Variants in LRPAP1 observed in about 807,000 individuals in gnomAD.
LRPAP1 encodes the protein alpha-2-macroglobulin receptor-associated protein.
LRPAP1 carries 41 observed loss-of-function variants against 39.9 expected under a neutral mutation model. That is an observed-to-expected ratio of 1.03 (90% confidence interval 0.80 to 1.33). The LOEUF (loss-of-function observed/expected upper bound fraction) is 1.33. Among genes scored for constraint, LRPAP1 ranks in the 40% most tolerant of loss-of-function variants. The pLI, the probability that LRPAP1 is intolerant of heterozygous loss-of-function variation, is 0.00. For missense variants in LRPAP1, 565 were observed against 482.3 expected, an observed-to-expected ratio of 1.17 and a Z score of -1.61; for synonymous variants, 263 against 212.7, an observed-to-expected ratio of 1.24 and a Z score of -2.06.
chr4:3,524,994 T>G lies in LRPAP1; in HGVS notation c.262A>C (p.Arg88=). The G allele has an allele frequency of 6.2e-7, 1 of 1,614,084 alleles. No homozygotes were observed. The highest frequency in any genetic ancestry group is 8.5e-7 in the Non-Finnish European group (1 of 1,180,028). The change falls in exon 2 of 8, where the codon AGG becomes CGG. Residue 88 remains arginine, a synonymous_variant. Transcript: ENST00000650182. ...ELHADLKIQE[R]DELAWKKLKL... ...AGTTTCTTCCAGGCGAGTTCGTCCC[T>G]CTCCTGTATCTTCAGATCAGCGTGG...
At chr4:3,521,686 G>A (rs564898082) in intron 2 of LRPAP1, among the ~76,000 whole-genome samples, 3 of 152,324 alleles carry the variant, frequency 2.0e-5, no homozygotes, top group African/African-American at 4.8e-5. Flanking sequence ...CTTCCTAAGC[G>A]TGAAAAACCA....
At chr4:3,529,547 A>G (rs1730184282) in intron 1 of LRPAP1, among the ~76,000 whole-genome samples, 1 of 152,160 alleles carries the variant, frequency 6.6e-6, no homozygotes, top group South Asian at 2.1e-4. Flanking sequence ...AGGGCTCTGC[A>G]TGGCCTCTGA....
chr4:3,522,700 C>G (rs1205087153), intron 2 of LRPAP1, among the ~76,000 whole-genome samples: 5 of 142,974 alleles, frequency 3.5e-5, no homozygotes, highest in Admixed American at 7.0e-5. Flanking sequence ...GGACAGACGC[C>G]GCCCCACACC....
intron 7 of LRPAP1, 42 bp from the exon 8 acceptor site, chr4:3,513,078 C>G (rs754148093): frequency 4.0e-6 from 6 of 1,510,970 alleles, no homozygotes; most frequent in Non-Finnish European, 5.5e-6. Context: ...CAGCGCGCCT[C>G]GAGGCCAGCT....
chr4:3,517,906 C>T (rs867865297), intron 5 of LRPAP1, 128 bp downstream of exon 5: 10 of 1,210,616 alleles, frequency 8.3e-6, no homozygotes, highest in Admixed American at 2.6e-5. Context: ...AGACTGAGCG[C>T]GCCGAGGGTC....
chr4:3,519,437 C>T (rs1489201489), intron 3 of LRPAP1, among the ~76,000 whole-genome samples: 1 of 152,252 alleles, frequency 6.6e-6, no homozygotes, highest in East Asian at 1.9e-4. Context: ...ACAGGGCCCT[C>T]TCTCCCTCTC....
chr4:3,520,739 C>T (rs911088719), intron 2 of LRPAP1, among the ~76,000 whole-genome samples: 8 of 152,238 alleles, frequency 5.3e-5, no homozygotes, highest in Admixed American at 2.0e-4. Flanking sequence ...AAAGGAGAAA[C>T]GTCAGTGTCA....
chr4:3,514,463 C>T lies in LRPAP1; in HGVS notation c.1011+289G>A, dbSNP rs771845274. On this transcript the variant is annotated intron_variant, in intron 7 of 7. Transcript: ENST00000650182. ...GACTCATGGGCTGGCTGTGGGTATC[C>T]AGGTCACGCCCCATCCTGGTCACAG... is the stretch of plus-strand genomic sequence containing the variant. Among the ~76,000 whole-genome samples the T allele has an allele frequency of 3.9e-5, 6 of 152,210 alleles. No homozygotes were observed. In the South Asian group the frequency reaches 6.2e-4, roughly 16 times the overall value.
intron 4 of LRPAP1, among the ~76,000 whole-genome samples, chr4:3,518,660 G>A (rs1471195298): frequency 6.6e-6 from 1 of 152,032 alleles, no homozygotes; most frequent in Non-Finnish European, 1.5e-5. Flanking sequence ...AATGCAGGCA[G>A]GCGACTCCCA....
intron 7 of LRPAP1, among the ~76,000 whole-genome samples, chr4:3,514,472 C>G (rs1729629294): frequency 6.6e-6 from 1 of 152,212 alleles, no homozygotes; most frequent in African/African-American, 2.4e-5. Flanking sequence ...CCAGGTCACG[C>G]CCCATCCTGG....
In LRPAP1 at chr4:3,506,344, G is replaced by A. The variant is rs1729353921; in HGVS notation, c.*6630C>T. 6.6e-6 allele frequency: 1 copy of A among 150,884 alleles called. No homozygotes were observed. The highest frequency in any genetic ancestry group is 3.5e-3 in the Middle Eastern group (1 of 284). 9.3% of individuals were successfully genotyped at this position (150,884 alleles called of 1,614,324 possible). A position where few individuals can be genotyped will look rare whatever the true frequency, so the allele number is the denominator to read the frequency against. The stretch of plus-strand genomic sequence containing the variant: ...GCCTCCCAAAGTGCTGGGATTCCAG[G>A]CGGGAGCCACCCACACTTGGCTCAA... On this transcript the variant is annotated 3_prime_UTR_variant, in exon 8 of 8. Transcript: ENST00000650182.
At position 3,512,711 on chromosome 4, in the gene LRPAP1, G is replaced by T; in HGVS notation, c.*263C>A. Reference sequence around the variant, plus strand: ...CAGCTGGACATCGAGGTCCTCACTGGGGTGGTGACTGCCACGCTGATGCTG... The same window carrying T: ...CAGCTGGACATCGAGGTCCTCACTGTGGTGGTGACTGCCACGCTGATGCTG... On this transcript the variant is annotated 3_prime_UTR_variant, in exon 8 of 8. Transcript: ENST00000650182. 2.0e-6 allele frequency: 1 copy of T among 508,774 alleles called. No individual in the cohort carries two copies. Among genetic ancestry groups the T allele is most frequent in the East Asian group, 3.2e-5 (1 of 31,302 alleles). 31.5% of individuals were successfully genotyped at this position (508,774 alleles called of 1,614,324 possible).
chr4:3,519,113 C>A, intron 3 of LRPAP1, 122 bp from the exon 4 acceptor site: 3 of 1,476,774 alleles, frequency 2.0e-6, no homozygotes, highest in South Asian at 2.8e-5. Flanking sequence ...AGGCCAGGTT[C>A]TTGGCCTCAC....
intron 1 of LRPAP1, among the ~76,000 whole-genome samples, chr4:3,528,176 A>C (rs1258340044): frequency 6.6e-6 from 1 of 152,206 alleles, no homozygotes; most frequent in Non-Finnish European, 1.5e-5. Context: ...TAACGCATCA[A>C]GTTAGAAGTA....
At position 3,531,801 on chromosome 4, in the gene LRPAP1, G is replaced by A. The variant is rs556289665; in HGVS notation, c.204+408C>T. ...TGGGATTCCTTCTGTCCCTGGACAC[G>A]TCTTTCTACCCAACATTTTGTTTTT... On this transcript the variant is annotated intron_variant, in intron 1 of 7. Transcript: ENST00000650182. Among the ~76,000 whole-genome samples, 145 of 152,374 alleles carry A rather than the reference G, an allele frequency of 9.5e-4. 1 individual carries two copies. Among genetic ancestry groups the A allele is most frequent in the African/African-American group, 3.4e-3 (140 of 41,578 alleles).
At chr4:3,525,210 A>G (rs1730045048) in intron 1 of LRPAP1, 159 bp from the exon 2 acceptor site, 1 of 748,492 alleles carries the variant, frequency 1.3e-6, no homozygotes, top group Admixed American at 2.2e-5. Context: ...CCACAGGTTT[A>G]GACAAGAACT....
intron 2 of LRPAP1, among the ~76,000 whole-genome samples, chr4:3,524,058 C>T (rs1387026055): frequency 6.6e-6 from 1 of 152,178 alleles, no homozygotes; most frequent in Non-Finnish European, 1.5e-5. Flanking sequence ...GGCTGCTACA[C>T]ATAGCTGACA....
In LRPAP1 at chr4:3,516,126, T is replaced by G. The variant is rs1435350443; in HGVS notation, c.824A>C (p.Glu275Ala). The change falls in exon 6 of 8, where the codon GAG becomes GCG. Residue 275 changes from glutamate to alanine, a missense_variant. Coordinates refer to ENST00000650182, the MANE Select transcript of LRPAP1 (RefSeq NM_002337.4). ...GCCGTGTTTCCTTACCCGGAACGCC[T>G]CCAGCTCCTTGTCCGTGAGGTTGGC... is the stretch of plus-strand genomic sequence containing the variant. ...QSANLTDKEL[E>A]AFREELKHFE... 3.2e-6 allele frequency: 5 copies of G among 1,576,910 alleles called. No individual in the cohort carries two copies. Among genetic ancestry groups the G allele is most frequent in the Non-Finnish European group, 4.3e-6 (5 of 1,161,264 alleles).
At position 3,520,096 on chromosome 4, in the gene LRPAP1, G is replaced by C; in HGVS notation, c.447C>G (p.Pro149=). 6.2e-7 allele frequency: 1 copy of C among 1,614,170 alleles called. No individual in the cohort carries two copies. Among genetic ancestry groups the C allele is most frequent in the African/African-American group, 1.3e-5 (1 of 75,068 alleles). The change falls in exon 3 of 8, where the codon CCC becomes CCG. Residue 149 remains proline (P), a synonymous_variant. Transcript: ENST00000650182. ...CCTTGTGCCACAGCTTTTCCAGCCT[G>C]GGGTCATCCAGCCCGTCTTCCTGGG... is the stretch of plus-strand genomic sequence containing the variant. ...SGTQEDGLDD[P]RLEKLWHKAK... is the part of the protein sequence containing the mutation.
Sources: gnomAD v4.1 joint callset for allele counts (sites outside exome capture counted in the v4.1 genomes callset) on GRCh38, gnomAD v4.1.1 for gene constraint, MANE v1.5 for transcripts, NCBI Gene and HGNC (gene_info 2026-07-23, HGNC 2026-07-21) for gene names.